PKIB: variants seen among roughly 807,000 people sequenced by gnomAD.
PKIB encodes the protein cAMP-dependent protein kinase inhibitor beta.
A neutral mutation model predicts 4.5 loss-of-function variants in PKIB; 2 were observed. The ratio of observed to expected loss-of-function variants is 0.44; its 90% CI spans 0.18 to 1.39. The LOEUF is 1.39. Among genes scored for constraint, PKIB ranks in the 40% most tolerant of loss-of-function variants. The pLI is 0.27. For synonymous variants in PKIB, 38 were observed against 36.0 expected, an observed-to-expected ratio of 1.06 and a Z score of -0.20; for missense variants, 94 against 92.6, an observed-to-expected ratio of 1.02 and a Z score of -0.06.
intron 3 of PKIB, among the ~76,000 whole-genome samples, chr6:122,685,258 A>G (rs540430855): frequency 1.3e-5 from 2 of 152,306 alleles, no homozygotes; most frequent in African/African-American, 4.8e-5. Flanking sequence ...TATAATTACT[A>G]CAGTGTATAT....
At chr6:122,719,930 T>C (rs1779668217) in intron 4 of PKIB, among the ~76,000 whole-genome samples, 1 of 152,146 alleles carries the variant, frequency 6.6e-6, no homozygotes, top group South Asian at 2.1e-4. Flanking sequence ...GGATATAGGC[T>C]TACATAGGTA....
chr6:122,615,216 A>G (rs1774933343), intron 1 of PKIB, among the ~76,000 whole-genome samples: 1 of 152,128 alleles, frequency 6.6e-6, no homozygotes, highest in Non-Finnish European at 1.5e-5. Context: ...ATTTTTAAAT[A>G]TGTCTTTCTA....
intron 1 of PKIB, among the ~76,000 whole-genome samples, chr6:122,615,027 T>C (rs1774926355): frequency 6.6e-6 from 1 of 152,088 alleles, no homozygotes; most frequent in African/African-American, 2.4e-5. Flanking sequence ...GTATGGTGGA[T>C]TTTGTTACAC....
chr6:122,611,219 CT>C lies in PKIB; in HGVS notation c.-161+686del, dbSNP rs1476759277. On this transcript the variant is annotated intron_variant, in intron 1 of 4. Coordinates refer to ENST00000368452, the MANE Select transcript of PKIB (RefSeq NM_181795.3). ...TTCCGGTTGGTGCTGATGCTAGCCC[CT>C]TGGGGAAATTCCTGAAGGTGCATTT... is the stretch of plus-strand genomic sequence containing the variant. Among the ~76,000 whole-genome samples, 4 of 152,332 alleles carry C rather than the reference CT, an allele frequency of 2.6e-5. No individual in the cohort carries two copies. In the East Asian group the frequency reaches 5.8e-4, roughly 22 times the overall value.
At chr6:122,690,056 T>C (rs968863736) in intron 3 of PKIB, among the ~76,000 whole-genome samples, 10 of 152,078 alleles carry the variant, frequency 6.6e-5, no homozygotes, top group African/African-American at 2.4e-4. Flanking sequence ...TTTTTTGATA[T>C]AAGTATAGTT....
At chr6:122,602,023 T>TA (rs35424437) in intron 3 of PKIB, among the ~76,000 whole-genome samples, 5 of 151,708 alleles carry the variant, frequency 3.3e-5, no homozygotes, top group Non-Finnish European at 5.9e-5. Flanking sequence ...TTTTTTTTTT[T>TA]ATAAATACAA....
At chr6:122,654,462 A>G (rs1174353365) in intron 2 of PKIB, among the ~76,000 whole-genome samples, 2 of 152,268 alleles carry the variant, frequency 1.3e-5, no homozygotes, top group East Asian at 1.9e-4. Context: ...CTGTGACTCC[A>G]TATCTTACAT....
chr6:122,542,851 T>C (rs532751835), intron 2 of PKIB, among the ~76,000 whole-genome samples: 12 of 152,250 alleles, frequency 7.9e-5, no homozygotes, highest in Non-Finnish European at 1.3e-4. Flanking sequence ...CTCCTTGAGC[T>C]GTGGTGGGCT....
intron 2 of PKIB, among the ~76,000 whole-genome samples, chr6:122,569,084 C>T (rs1295530365): frequency 6.6e-6 from 1 of 152,150 alleles, no homozygotes; most frequent in Non-Finnish European, 1.5e-5. Context: ...AGCCTGAAAC[C>T]CTCTCCTTGA....
chr6:122,603,288 G>A (rs1774433561), intron 3 of PKIB, among the ~76,000 whole-genome samples: 1 of 152,084 alleles, frequency 6.6e-6, no homozygotes, highest in African/African-American at 2.4e-5. Flanking sequence ...CTGGAGTTCT[G>A]ATAAAATGTA....
intron 2 of PKIB, among the ~76,000 whole-genome samples, chr6:122,646,165 A>G (rs1271881224): frequency 1.3e-5 from 2 of 152,226 alleles, no homozygotes; most frequent in African/African-American, 4.8e-5. Flanking sequence ...ATTAGGAAGT[A>G]GATCTTTGTT....
chr6:122,522,373 CTTTCCAGGGGAGTGAA>C (rs1346074456), intron 2 of PKIB, among the ~76,000 whole-genome samples: 1 of 152,156 alleles, frequency 6.6e-6, no homozygotes, highest in Non-Finnish European at 1.5e-5. Flanking sequence ...CTTCAGCCCC[CTTTCCAGGGGAGTGAA>C]TGGTTTTGTC....
intron 2 of PKIB, among the ~76,000 whole-genome samples, chr6:122,547,032 A>G (rs1157283855): frequency 1.3e-5 from 2 of 152,268 alleles, no homozygotes. Context: ...GCTTTAGACT[A>G]GTGAATAACA....
intron 1 of PKIB, among the ~76,000 whole-genome samples, chr6:122,622,515 C>T (rs754433576): frequency 2.0e-5 from 3 of 152,142 alleles, no homozygotes; most frequent in Non-Finnish European, 4.4e-5. Context: ...GATTATGTAA[C>T]CAGTCACTTA....
At chr6:122,489,088 A>C (rs912026061) in intron 2 of PKIB, among the ~76,000 whole-genome samples, 1 of 152,044 alleles carries the variant, frequency 6.6e-6, no homozygotes, top group African/African-American at 2.4e-5. Context: ...TGCCCACCTC[A>C]ATAGCCCCAA....
At chr6:122,500,746 T>A (rs896339027) in intron 2 of PKIB, among the ~76,000 whole-genome samples, 1 of 152,230 alleles carries the variant, frequency 6.6e-6, no homozygotes, top group African/African-American at 2.4e-5. Flanking sequence ...TGAGACTAGG[T>A]AATTCATGGA....
At chr6:122,641,523 A>G (rs982264174) in intron 2 of PKIB, among the ~76,000 whole-genome samples, 1 of 152,182 alleles carries the variant, frequency 6.6e-6, no homozygotes, top group Non-Finnish European at 1.5e-5. Flanking sequence ...GCAAACCACA[A>G]TGAAGGATCA....
At chr6:122,534,992 A>G (rs755567524) in intron 2 of PKIB, among the ~76,000 whole-genome samples, 17 of 152,196 alleles carry the variant, frequency 1.1e-4, no homozygotes, top group Non-Finnish European at 2.1e-4. Context: ...CATAGTTGCT[A>G]TAATGCATTC....
intron 2 of PKIB, among the ~76,000 whole-genome samples, chr6:122,557,914 C>T (rs1392325424): frequency 7.2e-5 from 11 of 152,232 alleles, no homozygotes; most frequent in African/African-American, 2.6e-4. Flanking sequence ...TATCCCTTAC[C>T]CCGTTGCACT....
Sources: gnomAD v4.1 joint callset for allele counts (sites outside exome capture counted in the v4.1 genomes callset) on GRCh38, gnomAD v4.1.1 for gene constraint, MANE v1.5 for transcripts, NCBI Gene and HGNC (gene_info 2026-07-23, HGNC 2026-07-21) for gene names.